Variants in TNKS observed in about 807,000 individuals in gnomAD.
The protein encoded by TNKS is tankyrase.
A neutral mutation model predicts 135.8 loss-of-function variants in TNKS; 72 were observed. The ratio of observed to expected loss-of-function variants is 0.53; its 90% CI spans 0.44 to 0.64. The LOEUF (loss-of-function observed/expected upper bound fraction) is 0.64. Ranked by LOEUF, TNKS falls within the 30% of genes least tolerant of loss-of-function variation. The pLI is 0.00. For missense variants in TNKS, 1,769 were observed against 1,674.0 expected, an observed-to-expected ratio of 1.06 and a Z score of -0.99; for synonymous variants, 849 against 649.3, an observed-to-expected ratio of 1.31 and a Z score of -4.68.
At chr8:9,697,601 C>T (rs4841197) in intron 5 of TNKS, among the ~76,000 whole-genome samples, 110,573 of 151,948 alleles carry the variant, frequency 0.73, 40,481 homozygotes, top group Middle Eastern at 0.81. Flanking sequence ...AAAGCAAAAA[C>T]CAGTCCCATC....
intron 5 of TNKS, among the ~76,000 whole-genome samples, chr8:9,684,416 C>G (rs1802903627): frequency 6.6e-6 from 1 of 151,998 alleles, no homozygotes; most frequent in East Asian, 1.9e-4. Flanking sequence ...TAAAATTAGT[C>G]CAACAGTCAA....
chr8:9,668,359 C>T (rs774527360), intron 3 of TNKS, among the ~76,000 whole-genome samples: 27 of 152,294 alleles, frequency 1.8e-4, no homozygotes, highest in Admixed American at 3.9e-4. Context: ...GGAGAAAATA[C>T]ATTGCACATT....
chr8:9,654,781 C>T (rs190643253), intron 3 of TNKS, among the ~76,000 whole-genome samples: 3 of 152,206 alleles, frequency 2.0e-5, no homozygotes, highest in East Asian at 1.9e-4. Flanking sequence ...CCAAGATGGC[C>T]GAATAGGAAC....
At chr8:9,747,915 A>C (rs748403110) in intron 17 of TNKS, 109 bp from the exon 18 acceptor site, 6 of 1,063,270 alleles carry the variant, frequency 5.6e-6, no homozygotes, top group Non-Finnish European at 7.9e-6. Flanking sequence ...GTTAAGGATG[A>C]AAATGGAGAT....
intron 11 of TNKS, among the ~76,000 whole-genome samples, chr8:9,716,374 A>G (rs1391721248): frequency 2.6e-5 from 4 of 152,296 alleles, no homozygotes; most frequent in Middle Eastern, 3.4e-3. Context: ...TGTAAATAAT[A>G]TCTGAGGTTT....
intron 17 of TNKS, among the ~76,000 whole-genome samples, chr8:9,736,341 G>C (rs117127911): frequency 0.014 from 1,667 of 119,710 alleles, 23 homozygotes; most frequent in Middle Eastern, 0.031. Flanking sequence ...AACATAGTGA[G>C]ACCTCATCTA....
chr8:9,728,560 A>C (rs1046728414), intron 13 of TNKS, among the ~76,000 whole-genome samples: 1 of 152,234 alleles, frequency 6.6e-6, no homozygotes, highest in Non-Finnish European at 1.5e-5. Flanking sequence ...TGTAAGAACC[A>C]GTGGGGGAAA....
intron 2 of TNKS, among the ~76,000 whole-genome samples, chr8:9,598,763 GTGTATATA>G (rs1257261768): frequency 6.8e-5 from 4 of 58,764 alleles, no homozygotes; most frequent in East Asian, 5.2e-4. Flanking sequence ...ATATGTGTGT[GTGTATATA>G]TATATATATA....
chr8:9,679,313 A>G (rs1317472235), intron 3 of TNKS, among the ~76,000 whole-genome samples: 2 of 152,296 alleles, frequency 1.3e-5, no homozygotes, highest in East Asian at 3.9e-4. Context: ...TTAAGAATGT[A>G]TTCACTGTTT....
At position 9,766,254 on chromosome 8, in the gene TNKS, A is replaced by G. The variant is rs1299923199; in HGVS notation, c.3569A>G (p.Asn1190Ser). 3.7e-5 allele frequency: 59 copies of G among 1,604,946 alleles called. No individual in the cohort carries two copies. The highest frequency in any genetic ancestry group is 4.9e-5 in the Non-Finnish European group (58 of 1,175,060). Residue 1190 changes from asparagine to serine, a missense_variant, in exon 25 of 27, where the codon AAT becomes AGT. Around this residue, in one of 5 missense-constraint regions of TNKS, gnomAD observed 722 missense variants for 688.9 expected, o/e 1.05. Coordinates refer to ENST00000310430, the MANE Select transcript of TNKS (RefSeq NM_003747.3). ...RMLFHGSPFI[N>S]AIIHKGFDER... ...GTATTTCTAGGTTCTCCTTTCATTAATGCCATTATTCATAAAGGGTTTGAT... is the reference window on the plus strand; with the variant it reads ...GTATTTCTAGGTTCTCCTTTCATTAGTGCCATTATTCATAAAGGGTTTGAT...
intron 3 of TNKS, chr8:9,679,660 T>C (rs368767658): frequency 1.8e-5 from 6 of 334,388 alleles, no homozygotes; most frequent in Admixed American, 1.6e-4. Context: ...GCTGGCATGC[T>C]GTTATCAGAG....
At chr8:9,576,520 G>T (rs1797954116) in intron 1 of TNKS, among the ~76,000 whole-genome samples, 1 of 149,834 alleles carries the variant, frequency 6.7e-6, no homozygotes, top group African/African-American at 2.5e-5. Flanking sequence ...GCCCAGGCTG[G>T]AGTGCAGTGG....
At chr8:9,757,591 C>A (rs146264841) in intron 20 of TNKS, among the ~76,000 whole-genome samples, 279 of 152,254 alleles carry the variant, frequency 1.8e-3, no homozygotes, top group Non-Finnish European at 3.3e-3. Flanking sequence ...TCCCAGCCCC[C>A]CTTGCAACCG....
At chr8:9,711,760 A>G (rs1804344629) in intron 11 of TNKS, among the ~76,000 whole-genome samples, 1 of 152,354 alleles carries the variant, frequency 6.6e-6, no homozygotes, top group East Asian at 1.9e-4. Context: ...TTTTTAAAAG[A>G]AACTTTAAAA....
intron 3 of TNKS, among the ~76,000 whole-genome samples, chr8:9,622,242 G>A (rs1366254296): frequency 6.6e-6 from 1 of 152,124 alleles, no homozygotes; most frequent in African/African-American, 2.4e-5. Context: ...GAACAGCTAA[G>A]CTAGTTTCTT....
rs1187623012 is a variant in TNKS, at chr8:9,726,724, A to C, written c.2001+4A>C. 2 of 1,610,694 alleles carry C rather than the reference A, an allele frequency of 1.2e-6. No individual in the cohort carries two copies. The highest frequency in any genetic ancestry group is 1.7e-6 in the Non-Finnish European group (2 of 1,178,178). On this transcript the variant is annotated splice_donor_region_variant and intron_variant, in intron 13 of 26. Coordinates refer to ENST00000310430, the MANE Select transcript of TNKS (RefSeq NM_003747.3). ...TGGAGACTTGGAAACTGTGAAGGTA[A>C]GTCAGTGCCCTTAATATCTGGAATA... is the stretch of plus-strand genomic sequence containing the variant.
At chr8:9,648,306 CT>C (rs1188657824) in intron 3 of TNKS, among the ~76,000 whole-genome samples, 1 of 151,964 alleles carries the variant, frequency 6.6e-6, no homozygotes, top group African/African-American at 2.4e-5. Context: ...AACTTTTTGA[CT>C]GTTATGATAA....
At chr8:9,662,734 C>G (rs1801780994) in intron 3 of TNKS, among the ~76,000 whole-genome samples, 1 of 151,890 alleles carries the variant, frequency 6.6e-6, no homozygotes, top group South Asian at 2.1e-4. Flanking sequence ...ACCCTAAAAC[C>G]TAAAGTATAA....
intron 2 of TNKS, among the ~76,000 whole-genome samples, chr8:9,595,375 A>G (rs1439999395): frequency 3.3e-5 from 5 of 152,090 alleles, no homozygotes; most frequent in African/African-American, 1.2e-4. Context: ...GAGGCCCAGA[A>G]TGAGAGTCAT....
Sources: gnomAD v4.1 joint callset for allele counts (sites outside exome capture counted in the v4.1 genomes callset) on GRCh38, gnomAD v4.1.1 for gene constraint, gnomAD v4.1.1 regional missense constraint, MANE v1.5 for transcripts, NCBI Gene and HGNC (gene_info 2026-07-23, HGNC 2026-07-21) for gene names.